Variants in TTLL11 observed in about 807,000 individuals in gnomAD.
TTLL11 encodes tubulin polyglutamylase TTLL11.
Under a neutral mutation model 51.7 loss-of-function variants are expected in TTLL11, and 42 were observed. The ratio of observed to expected loss-of-function variants is 0.81; its 90% CI spans 0.64 to 1.05. TTLL11 has a LOEUF of 1.05. Among genes scored for constraint, TTLL11 ranks in the 50% least tolerant of loss-of-function variants. TTLL11 has a pLI of 0.00. For synonymous variants in TTLL11, 381 were observed against 383.5 expected (o/e 0.99, Z 0.08); for missense variants, 799 against 940.4 (o/e 0.85, Z 1.97).
rs554460985 is a variant in TTLL11 at position 122,041,631 on chromosome 9, C to A, written c.463-2263G>T. On this transcript the variant is annotated intron_variant, in intron 1 of 8. Transcript: ENST00000321582. ...ACTGTGTTTCATACATGATGAGGAG[C>A]AATCCAAAAAGGACCTTTTTTTAAA... is the stretch of plus-strand genomic sequence containing the variant. Among the ~76,000 whole-genome samples, 3 of 151,826 alleles carry A rather than the reference C, an allele frequency of 2.0e-5. No homozygotes were observed. In the South Asian group the frequency reaches 6.2e-4, roughly 32 times the overall value.
chr9:121,928,572 C>T (rs1000842729), intron 6 of TTLL11, among the ~76,000 whole-genome samples: 1 of 151,936 alleles, frequency 6.6e-6, no homozygotes, highest in African/African-American at 2.4e-5. Flanking sequence ...TCCCAAGTAG[C>T]TAGCACTACA....
intron 3 of TTLL11, among the ~76,000 whole-genome samples, chr9:121,991,566 T>C (rs1299938032): frequency 6.6e-6 from 1 of 152,256 alleles, no homozygotes; most frequent in Non-Finnish European, 1.5e-5. Flanking sequence ...AAGTTTGCAC[T>C]GATGGGAAAT....
chr9:121,981,246 T>C (rs1203324775), intron 4 of TTLL11, among the ~76,000 whole-genome samples: 2 of 152,172 alleles, frequency 1.3e-5, no homozygotes, highest in Admixed American at 1.3e-4. Context: ...TTCTTTTTTT[T>C]CCTTGTCATT....
intron 6 of TTLL11, among the ~76,000 whole-genome samples, chr9:121,895,531 GAC>G (rs911422609): frequency 3.3e-5 from 5 of 151,156 alleles, no homozygotes; most frequent in African/African-American, 1.2e-4. Flanking sequence ...CTGTGACTGT[GAC>G]TGTGTGTTTC....
intron 8 of TTLL11, among the ~76,000 whole-genome samples, chr9:121,841,793 G>A (rs889656654): frequency 1.6e-4 from 25 of 152,022 alleles, no homozygotes; most frequent in African/African-American, 5.6e-4. Flanking sequence ...AGCAGCAGCC[G>A]TCGGCTTGAC....
chr9:121,936,533 C>CT (rs2131567774), intron 6 of TTLL11, among the ~76,000 whole-genome samples: 1 of 152,282 alleles, frequency 6.6e-6, no homozygotes, highest in African/African-American at 2.4e-5. Flanking sequence ...TAAAGCCCCC[C>CT]ACCAGCTCCA....
chr9:122,082,366 G>C (rs1256504702), intron 1 of TTLL11, among the ~76,000 whole-genome samples: 1 of 152,082 alleles, frequency 6.6e-6, no homozygotes, highest in Non-Finnish European at 1.5e-5. Context: ...GCTAGACATA[G>C]TGGCACACAC....
At chr9:121,879,204 C>T (rs1838680252) in intron 6 of TTLL11, among the ~76,000 whole-genome samples, 2 of 152,166 alleles carry the variant, frequency 1.3e-5, no homozygotes, top group African/African-American at 4.8e-5. Context: ...GTCTAGTCAC[C>T]AGCCCTCAGT....
intron 3 of TTLL11, among the ~76,000 whole-genome samples, chr9:121,990,874 C>A (rs533866110): frequency 6.6e-5 from 10 of 152,272 alleles, no homozygotes; most frequent in Non-Finnish European, 1.3e-4. Context: ...TCCAGATAGT[C>A]GATCTGGACC....
At chr9:121,991,796 T>A (rs754734650) in intron 3 of TTLL11, among the ~76,000 whole-genome samples, 2 of 152,130 alleles carry the variant, frequency 1.3e-5, no homozygotes, top group African/African-American at 2.4e-5. Flanking sequence ...ATCATTGAAT[T>A]TTTAGAACTA....
Position 121,989,824 on chromosome 9 carries a change from T to C in TTLL11, c.694-54A>G. On this transcript the variant is annotated intron_variant, in intron 3 of 8. Transcript: ENST00000321582. This position sits in a 1 kb window ranked among gnomAD's most constrained non-coding sequence, Gnocchi z 4.2. ...TTATATTGTTTTCCCTCTGGATCCCTAACACAGAGCAAGGCCTTAGCAAAT... is the reference window on the plus strand; with the variant it reads ...TTATATTGTTTTCCCTCTGGATCCCCAACACAGAGCAAGGCCTTAGCAAAT... 1 of 1,538,932 alleles carries C rather than the reference T, an allele frequency of 6.5e-7. No individual in the cohort carries two copies. The highest frequency in any genetic ancestry group is 1.3e-5 in the South Asian group (1 of 77,758).
At position 121,826,557 on chromosome 9, in the gene TTLL11, G is replaced by GTGTATATA. The variant is rs1189626793; in HGVS notation, c.1841-3679_1841-3678insTATATACA. 4.3e-4 allele frequency among the ~76,000 whole-genome samples: 22 copies of GTGTATATA among 51,342 alleles called. 1 individual carries two copies. Among genetic ancestry groups the GTGTATATA allele is most frequent in the African/African-American group, 1.5e-3 (21 of 14,198 alleles). 33.7% of individuals were successfully genotyped at this position (51,342 alleles called of 152,430 possible). A position where few individuals can be genotyped will look rare whatever the true frequency, so the allele number is the denominator to read the frequency against. ...TGTGTGTATATATATATATGTGTGT[G>GTGTATATA]TATATATATATATATATATATATAT... On this transcript the variant is annotated intron_variant, in intron 8 of 8. Transcript: ENST00000321582.
intron 7 of TTLL11, among the ~76,000 whole-genome samples, chr9:121,867,423 GC>G (rs946533298): frequency 1.3e-5 from 2 of 152,114 alleles, no homozygotes; most frequent in African/African-American, 4.8e-5. Context: ...GATGCTTCCT[GC>G]CTAACCTGTA....
chr9:121,866,382 G>A (rs751313707), intron 7 of TTLL11, among the ~76,000 whole-genome samples: 90 of 152,120 alleles, frequency 5.9e-4, no homozygotes, highest in Non-Finnish European at 6.6e-4. Flanking sequence ...AAATCCGGCC[G>A]GGTGCAGTGG....
At chr9:121,879,969 A>G (rs957834753) in intron 6 of TTLL11, among the ~76,000 whole-genome samples, 3 of 152,214 alleles carry the variant, frequency 2.0e-5, no homozygotes, top group Admixed American at 2.0e-4. Flanking sequence ...TGTGTTTAAA[A>G]AAAGAAAAAG....
rs142898707 is a variant in TTLL11 at position 121,945,500 on chromosome 9, A to T, written c.1481+28509T>A. On this transcript the variant is annotated intron_variant, in intron 6 of 8. Coordinates refer to ENST00000321582, the MANE Select transcript of TTLL11 (RefSeq NM_001139442.2). The stretch of plus-strand genomic sequence containing the variant: ...CCCACCCACTGAGCATGCCTCTGCC[A>T]TTCCTCCTCTAAAGTGTCCACGAGG... Among the ~76,000 whole-genome samples the T allele has an allele frequency of 5.3e-4, 80 of 152,310 alleles. 2 individuals are homozygous for T. The East Asian group carries it at 0.015, about 28-fold the overall frequency.
At chr9:121,844,437 A>G (rs1353349024) in intron 8 of TTLL11, among the ~76,000 whole-genome samples, 5 of 152,232 alleles carry the variant, frequency 3.3e-5, no homozygotes, top group Non-Finnish European at 5.9e-5. Flanking sequence ...CTTGGTTCCT[A>G]TTATCAGGTA....
chr9:121,832,603 C>T (rs2119126856), intron 8 of TTLL11, among the ~76,000 whole-genome samples: 1 of 152,266 alleles, frequency 6.6e-6, no homozygotes, highest in African/African-American at 2.4e-5. Context: ...AGACCCCAAC[C>T]ACCATGCTCT....
chr9:121,938,467 CAA>C (rs1841317055), intron 6 of TTLL11, among the ~76,000 whole-genome samples: 1 of 151,998 alleles, frequency 6.6e-6, no homozygotes, highest in African/African-American at 2.4e-5. Flanking sequence ...TTCTATTTAT[CAA>C]AAGGCAAATT....
Sources: allele counts gnomAD v4.1 joint callset (sites outside exome capture counted in the v4.1 genomes callset), GRCh38; gene constraint gnomAD v4.1.1; non-coding constraint Gnocchi (gnomAD v3.1); transcripts MANE v1.5; gene names NCBI Gene and HGNC (gene_info 2026-07-23, HGNC 2026-07-21).